The following UPP2 variants were observed in gnomAD, a reference collection of about 807,000 sequenced individuals.
UPP2 encodes the protein UPase 2.
A neutral mutation model predicts 26.7 loss-of-function variants in UPP2; 23 were observed. The observed-to-expected ratio is 0.86, with a 90% CI of 0.62 to 1.22. The LOEUF is 1.22. UPP2 is among the 50% of genes most tolerant of loss of function. The pLI, the probability that UPP2 is intolerant of heterozygous loss-of-function variation, is 0.00. For missense variants in UPP2, 387 were observed against 396.7 expected, an observed-to-expected ratio of 0.98 and a Z score of 0.21; for synonymous variants, 127 against 141.3, an observed-to-expected ratio of 0.90 and a Z score of 0.72.
At chr2:158,016,571 C>T (rs971950972) in intron 3 of UPP2, among the ~76,000 whole-genome samples, 1 of 151,992 alleles carries the variant, frequency 6.6e-6, no homozygotes, top group South Asian at 2.1e-4. Context: ...GAACTCCTGA[C>T]CTCAAGTGAT....
chr2:158,112,192 C>A (rs371146866), intron 2 of UPP2, among the ~76,000 whole-genome samples: 1 of 152,100 alleles, frequency 6.6e-6, no homozygotes, highest in African/African-American at 2.4e-5. Flanking sequence ...ACTCGCACTT[C>A]CCAACTTCAA....
chr2:158,004,376 C>T (rs1273567282), intron 2 of UPP2, among the ~76,000 whole-genome samples: 2 of 151,102 alleles, frequency 1.3e-5, no homozygotes, highest in Admixed American at 6.6e-5. Flanking sequence ...AATAGCAGTA[C>T]GTAGTGGAGA....
At chr2:158,036,185 T>A (rs986283791) in intron 3 of UPP2, among the ~76,000 whole-genome samples, 2 of 152,224 alleles carry the variant, frequency 1.3e-5, no homozygotes, top group African/African-American at 4.8e-5. Flanking sequence ...TAGAAAAAAA[T>A]GCTTGCTGAG....
At chr2:158,046,381 T>G (rs1684155880) in intron 3 of UPP2, among the ~76,000 whole-genome samples, 1 of 152,218 alleles carries the variant, frequency 6.6e-6, no homozygotes, top group Non-Finnish European at 1.5e-5. Flanking sequence ...AACTTCACTT[T>G]TTACTCTTAA....
chr2:158,093,257 G>A (rs1437891396), intron 3 of UPP2, among the ~76,000 whole-genome samples: 2 of 140,438 alleles, frequency 1.4e-5, no homozygotes, highest in Non-Finnish European at 1.5e-5. Context: ...GTAGGAAGGC[G>A]GTAAAAAGAA....
chr2:158,118,900 G>C (rs1395369005), intron 4 of UPP2, among the ~76,000 whole-genome samples: 1 of 152,056 alleles, frequency 6.6e-6, no homozygotes, highest in East Asian at 1.9e-4. Context: ...AAAGATGATG[G>C]CTTTCCACAG....
At chr2:158,051,541 G>A (rs1424715504) in intron 3 of UPP2, among the ~76,000 whole-genome samples, 2 of 152,088 alleles carry the variant, frequency 1.3e-5, no homozygotes, top group Non-Finnish European at 2.9e-5. Flanking sequence ...CCAGCACTTC[G>A]AGAGGCTTAG....
chr2:158,095,527 G>A (rs1237600474), intron 3 of UPP2, among the ~76,000 whole-genome samples: 4 of 152,238 alleles, frequency 2.6e-5, no homozygotes, highest in Non-Finnish European at 1.5e-5. Flanking sequence ...CAGAAGCAGA[G>A]TAGAAAGAGT....
rs574825262 is a variant in UPP2, at chr2:158,127,479, C to G, written c.811+3584C>G. 7.2e-5 allele frequency among the ~76,000 whole-genome samples: 11 copies of G among 151,864 alleles called. No homozygotes were observed. In the East Asian group the frequency reaches 2.1e-3, roughly 29 times the overall value. On this transcript the variant is annotated intron_variant, in intron 6 of 6. Coordinates refer to ENST00000005756, the MANE Select transcript of UPP2 (RefSeq NM_173355.4). ...GAGTGAATGAAAAAAAAAAGGGCCA[C>G]TAGACTCTTTTTGACTATGGAAAAT...
At chr2:158,001,312 T>C (rs781600136) in intron 2 of UPP2, among the ~76,000 whole-genome samples, 19 of 152,162 alleles carry the variant, frequency 1.2e-4, no homozygotes, top group Non-Finnish European at 2.2e-4. Context: ...AGTAGTGCAG[T>C]ACCCTGGGCT....
At position 158,123,869 on chromosome 2, in the gene UPP2, C is replaced by G. The variant is rs534154153; in HGVS notation, c.785C>G (p.Ala262Gly). The G allele has an allele frequency of 6.2e-7, 1 of 1,613,978 alleles. No individual in the cohort carries two copies. The highest frequency in any genetic ancestry group is 2.2e-5 in the East Asian group (1 of 44,880). ...GAAATGGAATCTACAGTGTTTGCAG[C>G]TATGTGTGGACTCTGTGGTCTAAAA... ...NIEMESTVFA[A>G]MCGLCGLKAA... Residue 262 changes from alanine to glycine, a missense_variant, in exon 6 of 7, where the codon GCT (alanine) becomes GGT (glycine). Ala to Gly is a moderately conservative substitution (Grantham distance 60). Transcript: ENST00000005756.
intron 2 of UPP2, among the ~76,000 whole-genome samples, chr2:158,001,412 T>G (rs917329380): frequency 9.2e-5 from 14 of 152,150 alleles, no homozygotes; most frequent in African/African-American, 3.4e-4. Flanking sequence ...TCAGCCAGCC[T>G]GTAGTGGCCC....
intron 2 of UPP2, among the ~76,000 whole-genome samples, chr2:158,003,724 A>T (rs974683036): frequency 7.9e-5 from 12 of 151,552 alleles, no homozygotes; most frequent in African/African-American, 2.9e-4. Context: ...TAAAAAAAAA[A>T]AAAAAAGAGA....
chr2:158,121,372 C>T (rs376867580), intron 4 of UPP2, 37 bp from the exon 5 acceptor site: 41 of 1,564,648 alleles, frequency 2.6e-5, no homozygotes, highest in South Asian at 8.9e-5. Flanking sequence ...AAACTCTAAA[C>T]GATATTCTTC....
At chr2:158,035,734 G>C (rs1683991043) in intron 3 of UPP2, among the ~76,000 whole-genome samples, 1 of 152,184 alleles carries the variant, frequency 6.6e-6, no homozygotes, top group East Asian at 1.9e-4. Context: ...CTGCCAAACT[G>C]TTTAGCACTG....
Position 158,095,664 on chromosome 2 carries a change from A to T in UPP2, c.148-6376A>T, listed in dbSNP as rs533766699. 1.6e-4 allele frequency among the ~76,000 whole-genome samples: 25 copies of T among 152,318 alleles called. 1 individual carries two copies. In the South Asian group the frequency reaches 4.8e-3, roughly 29 times the overall value. On this transcript the variant is annotated intron_variant, in intron 3 of 9. Coordinates refer to the UPP2 transcript ENST00000605860. ...TTCCTCATCTGAAAATTGGGGAAAT[A>T]ATAATACCTATCTCACAGACGTGTT...
At chr2:158,040,343 T>C (rs1684067000) in intron 3 of UPP2, among the ~76,000 whole-genome samples, 2 of 152,228 alleles carry the variant, frequency 1.3e-5, no homozygotes, top group African/African-American at 4.8e-5. Flanking sequence ...AATTTCTGGA[T>C]AGATATCTAG....
At chr2:158,119,423 T>C (rs1349972731) in intron 4 of UPP2, among the ~76,000 whole-genome samples, 2 of 152,052 alleles carry the variant, frequency 1.3e-5, no homozygotes, top group Non-Finnish European at 2.9e-5. Context: ...AAAAGATGTA[T>C]TTGCTTATTT....
chr2:158,116,899 G>A (rs1328824889), intron 3 of UPP2, among the ~76,000 whole-genome samples: 1 of 149,272 alleles, frequency 6.7e-6, no homozygotes, highest in Admixed American at 6.6e-5. Context: ...ATGGGAACCA[G>A]AAAGGGGTAA....
Sources: allele counts gnomAD v4.1 joint callset (sites outside exome capture counted in the v4.1 genomes callset), GRCh38; gene constraint gnomAD v4.1.1; transcripts MANE v1.5; gene names NCBI Gene and HGNC (gene_info 2026-07-23, HGNC 2026-07-21).